The following KRT35 variants were observed in gnomAD, a reference collection of about 807,000 sequenced individuals.
KRT35 encodes the protein keratin 35, also known as keratin, type I cuticular Ha5.
In KRT35, 33 loss-of-function variants were observed where a neutral mutation model predicts 42.2. The ratio of observed to expected loss-of-function variants is 0.78; its 90% CI spans 0.59 to 1.05. The LOEUF is 1.05. Ranked by LOEUF, KRT35 falls within the 50% of genes least tolerant of loss-of-function variation. The pLI is 0.00. For missense variants in KRT35, 585 were observed against 589.2 expected (o/e 0.99, Z 0.07); for synonymous variants, 218 against 238.2 (o/e 0.92, Z 0.78).
chr17:41,476,773 C>T lies in KRT35; in HGVS notation c.*283G>A, dbSNP rs1176468952. 8.9e-6 allele frequency: 3 copies of T among 337,270 alleles called. No homozygotes were observed. Among genetic ancestry groups the T allele is most frequent in the Non-Finnish European group, 1.6e-5 (3 of 186,474 alleles). 20.9% of individuals were successfully genotyped at this position (337,270 alleles called of 1,614,324 possible). ...GCCCTCTACTGCATTTCAGAATCCA[C>T]CGGAACAGCACCTAGAAGGAAAACC... On this transcript the variant is annotated 3_prime_UTR_variant, in exon 7 of 7. Transcript: ENST00000246639.
chr17:41,479,224 C>A (rs2019221252), intron 3 of KRT35, 123 bp downstream of exon 3: 9 of 1,171,722 alleles, frequency 7.7e-6, no homozygotes, highest in Non-Finnish European at 1.1e-5. Context: ...CTATGCACAC[C>A]TGCTCCCTCA....
chr17:41,479,117 A>G (rs1405094575), intron 3 of KRT35, 122 bp from the exon 4 acceptor site: 1 of 1,083,378 alleles, frequency 9.2e-7, no homozygotes. Context: ...CCCCATGCTC[A>G]TCTGCTCCCC....
intron 4 of KRT35, 94 bp from the exon 5 acceptor site, chr17:41,478,580 C>T: frequency 6.9e-7 from 1 of 1,449,702 alleles, no homozygotes; most frequent in South Asian, 1.3e-5. Context: ...CCAAGAAAGA[C>T]ATTCCCGATT....
intron 1 of KRT35, 80 bp from the exon 2 acceptor site, chr17:41,479,861 C>T: frequency 8.3e-7 from 1 of 1,198,092 alleles, no homozygotes; most frequent in South Asian, 1.3e-5. Flanking sequence ...CAAGGGCTGA[C>T]TCTGGAAGGA....
Position 41,479,355 on chromosome 17 carries a change from G to A in KRT35, c.703C>T (p.His235Tyr), listed in dbSNP as rs557569245. Residue 235 changes from histidine (H) to tyrosine (Y), a missense_variant, in exon 3 of 7, where the codon CAT becomes TAT. Coordinates refer to ENST00000246639, the MANE Select transcript of KRT35 (RefSeq NM_002280.6). The stretch of plus-strand genomic sequence containing the variant: ...TTTTCCCCCATGCTCACCTCCTCAT[G>A]GTTCTTCTTCAGGCAGAGCAGCTCC... ...KEELLCLKKN[H>Y]EEEVNSLRCQ... The A allele has an allele frequency of 8.7e-6, 14 of 1,613,392 alleles. No homozygotes were observed. In the East Asian group the frequency reaches 2.9e-4, roughly 33 times the overall value.
chr17:41,477,739 C>G lies in KRT35; in HGVS notation c.1000-1G>C. ...CCAGGGTGGATTCCAAAGCATCTCTCTGTGAGGGCAAGAGTTGTGTAGGGA... is the reference window on the plus strand; with the variant it reads ...CCAGGGTGGATTCCAAAGCATCTCTGTGTGAGGGCAAGAGTTGTGTAGGGA... On this transcript the variant is annotated splice_acceptor_variant, in intron 5 of 6. Coordinates refer to ENST00000246639, the MANE Select transcript of KRT35 (RefSeq NM_002280.6). LOFTEE classifies it high-confidence loss of function. The G allele has an allele frequency of 6.2e-7, 1 of 1,613,302 alleles. No homozygotes were observed.
At chr17:41,480,461 T>C (rs1450293753) in intron 1 of KRT35, among the ~76,000 whole-genome samples, 166 bp downstream of exon 1, 3 of 152,096 alleles carry the variant, frequency 2.0e-5, no homozygotes, top group Non-Finnish European at 2.9e-5. Flanking sequence ...CTCAACTGTA[T>C]AATGGGCTAA....
rs2019240832 is a variant in KRT35, at chr17:41,480,769, C to T, written c.329G>A (p.Gly110Asp). ...TMQSLNDRLA[G>D]YLEKVRQLEQ... ...CAGCTGACGCACCTTCTCCAGGTAGCCGGCCAGGCGGTCGTTCAGGGATTG... is the reference window on the plus strand; with the variant it reads ...CAGCTGACGCACCTTCTCCAGGTAGTCGGCCAGGCGGTCGTTCAGGGATTG... Residue 110 changes from glycine to aspartate, a missense_variant, in exon 1 of 7, where the codon GGC becomes GAC. Coordinates refer to ENST00000246639, the MANE Select transcript of KRT35 (RefSeq NM_002280.6). The T allele has an allele frequency of 6.2e-7, 1 of 1,614,098 alleles. No homozygotes were observed. The highest frequency in any genetic ancestry group is 1.1e-5 in the South Asian group (1 of 91,086).
rs2019209182 is a variant in KRT35, at chr17:41,478,379, C to A, written c.981G>T (p.Leu327=). ...GGCTCACCATGCTGTGCTGAGCCTG[C>A]AGCTCAATCTCCAGGGCGTTGACCG... ...RRTVNALEIE[L]QAQHSMRDAL... is the part of the protein sequence containing the mutation. The change falls in exon 5 of 7, where the codon CTG becomes CTT. Residue 327 remains leucine, a synonymous_variant. Transcript: ENST00000246639. 6.2e-7 allele frequency: 1 copy of A among 1,613,546 alleles called. No individual in the cohort carries two copies. Among genetic ancestry groups the A allele is most frequent in the African/African-American group, 1.3e-5 (1 of 75,042 alleles).
chr17:41,480,972 G>A lies in KRT35; in HGVS notation c.126C>T (p.Leu42=), dbSNP rs755005785. ...CAGAGAAACTTCTGGCCACAGGGGA[G>A]AGACTTGGAAGCTTGCAAGAGCTGC... ...YSSSSCKLPS[L]SPVARSFSAC... is the part of the protein sequence containing the mutation. Residue 42 remains leucine (L), a synonymous_variant, in exon 1 of 7, where the codon CTC becomes CTT. Coordinates refer to ENST00000246639, the MANE Select transcript of KRT35 (RefSeq NM_002280.6). 2 of 1,614,176 alleles carry A rather than the reference G, an allele frequency of 1.2e-6. No individual in the cohort carries two copies. The highest frequency in any genetic ancestry group is 2.2e-5 in the South Asian group (2 of 91,086).
intron 2 of KRT35, 32 bp downstream of exon 2, chr17:41,479,666 GC>G: frequency 3.1e-6 from 5 of 1,601,816 alleles, no homozygotes; most frequent in Non-Finnish European, 4.3e-6. Flanking sequence ...AGTTCTAGCA[GC>G]CCCCAACCAC....
intron 6 of KRT35, 56 bp from the exon 7 acceptor site, chr17:41,477,259 A>G: frequency 6.3e-7 from 1 of 1,586,982 alleles, no homozygotes. Flanking sequence ...GCAGTAACTC[A>G]AAGTAGATCC....
At chr17:41,480,075 CA>C (rs1465218728) in intron 1 of KRT35, among the ~76,000 whole-genome samples, 15 of 152,328 alleles carry the variant, frequency 9.8e-5, no homozygotes, top group African/African-American at 3.4e-4. Context: ...CCCTGTCTCC[CA>C]GGCCTACTGG....
At chr17:41,479,947 G>A (rs1259877864) in intron 1 of KRT35, among the ~76,000 whole-genome samples, 166 bp from the exon 2 acceptor site, 11 of 152,182 alleles carry the variant, frequency 7.2e-5, no homozygotes, top group African/African-American at 4.8e-5. Context: ...GATCAACTAT[G>A]GAAAGTCCAG....
chr17:41,479,104 CCTCCCCATGCTCATCTG>C (rs2019219585), intron 3 of KRT35, 109 bp from the exon 4 acceptor site: 3 of 1,168,828 alleles, frequency 2.6e-6, no homozygotes, highest in Admixed American at 2.3e-5. Flanking sequence ...ATGCTCACCT[CCTCCCCATGCTCATCTG>C]CTCCCCATGC....
rs778222747 is a variant in KRT35, at chr17:41,480,882, G to A, written c.216C>T (p.Leu72=). The change falls in exon 1 of 7, where the codon CTC becomes CTT. Residue 72 remains leucine (L), a synonymous_variant. Coordinates refer to ENST00000246639, the MANE Select transcript of KRT35 (RefSeq NM_002280.6). ...AGCTGGTAGCGAAGCCTCCAGCAGG[G>A]AGGCAGAGAGCAGGGAGGCAGCTGG... ...RATSCLPALC[L]PAGGFATSYS... is the part of the protein sequence containing the mutation. The A allele has an allele frequency of 9.9e-6, 16 of 1,614,186 alleles. No homozygotes were observed. Among genetic ancestry groups the A allele is most frequent in the Non-Finnish European group, 1.1e-5 (13 of 1,180,020 alleles).
At chr17:41,477,458 G>A in intron 6 of KRT35, 60 bp downstream of exon 6, 1 of 1,596,540 alleles carries the variant, frequency 6.3e-7, no homozygotes, top group Non-Finnish European at 8.6e-7. Context: ...GCACCATGCT[G>A]TCTTCCCAGA....
In KRT35 at chr17:41,476,959, C is replaced by A. The variant is rs770024150; in HGVS notation, c.*97G>T. 22 of 1,236,666 alleles carry A rather than the reference C, an allele frequency of 1.8e-5. No individual in the cohort carries two copies. The highest frequency in any genetic ancestry group is 2.2e-5 in the Non-Finnish European group (20 of 894,468). The allele number at this position is 1,236,666 out of a possible 1,614,324, so 76.6% of individuals were successfully genotyped here. ...AGCCAGACCCTGGGCCTGGGCTCTG[C>A]GCGAAGAGAGGGGATTGGGCTACAA... On this transcript the variant is annotated 3_prime_UTR_variant, in exon 7 of 7. Coordinates refer to ENST00000246639, the MANE Select transcript of KRT35 (RefSeq NM_002280.6).
Position 41,477,139 on chromosome 17 carries a change from C to T in KRT35, c.1285G>A (p.Ala429Thr). 6.2e-7 allele frequency: 1 copy of T among 1,613,568 alleles called. No individual in the cohort carries two copies. Among genetic ancestry groups the T allele is most frequent in the South Asian group, 1.1e-5 (1 of 91,038 alleles). Residue 429 changes from alanine (A) to threonine (T), a missense_variant, in exon 7 of 7, where the codon GCG becomes ACG. Transcript: ENST00000246639. ...PSKSCLPCLPAASCGPSAART... is the reference protein window; with the variant it reads ...PSKSCLPCLPTASCGPSAART... ...GCTGCACTAGGACCGCAGGAGGCCG[C>T]AGGAAGACAGGGAAGGCATGACTTG...
Sources: gnomAD v4.1 joint callset for allele counts (sites outside exome capture counted in the v4.1 genomes callset) on GRCh38, gnomAD v4.1.1 for gene constraint, MANE v1.5 for transcripts, NCBI Gene and HGNC (gene_info 2026-07-23, HGNC 2026-07-21) for gene names.